Variants in MLLT3 observed in about 807,000 individuals in gnomAD.
MLLT3 encodes the protein protein AF-9.
In MLLT3, 4 loss-of-function variants were observed where a neutral mutation model predicts 53.2. The ratio of observed to expected loss-of-function variants is 0.08; its 90% CI spans 0.04 to 0.17. MLLT3 has a LOEUF of 0.17. Ranked by LOEUF, MLLT3 falls within the 10% of genes least tolerant of loss-of-function variation. The pLI, the probability that MLLT3 is intolerant of heterozygous loss-of-function variation, is 1.00. For missense variants in MLLT3, 569 were observed against 684.0 expected (o/e 0.83, Z 1.87); for synonymous variants, 283 against 230.6 (o/e 1.23, Z -2.06).
At chr9:20,403,566 T>TA (rs1563952086) in intron 5 of MLLT3, among the ~76,000 whole-genome samples, 1 of 152,162 alleles carries the variant, frequency 6.6e-6, no homozygotes, top group Non-Finnish European at 1.5e-5. Context: ...TGAAAGTTGA[T>TA]AGACAATGAC....
chr9:20,532,330 T>A (rs1277559544), intron 2 of MLLT3, among the ~76,000 whole-genome samples: 3 of 151,810 alleles, frequency 2.0e-5, no homozygotes, highest in Admixed American at 6.6e-5. Context: ...TATATATATA[T>A]AAATCACTCA....
At chr9:20,526,483 T>C (rs1368626056) in intron 2 of MLLT3, among the ~76,000 whole-genome samples, 1 of 152,356 alleles carries the variant, frequency 6.6e-6, no homozygotes, top group Non-Finnish European at 1.5e-5. Context: ...AGAATACACA[T>C]GCTTATGTGT....
At chr9:20,454,232 AGT>A (rs137999564) in intron 3 of MLLT3, among the ~76,000 whole-genome samples, 2,736 of 149,256 alleles carry the variant, frequency 0.018, 40 homozygotes, top group Non-Finnish European at 0.022. Context: ...AGAAGACTGA[AGT>A]GTGTGTGTGT....
At chr9:20,370,504 A>G (rs974091565) in intron 5 of MLLT3, among the ~76,000 whole-genome samples, 1 of 151,320 alleles carries the variant, frequency 6.6e-6, no homozygotes, top group Non-Finnish European at 1.5e-5. Context: ...AATGAAAGGA[A>G]GAGCCACAAA....
chr9:20,505,666 G>A (rs553278466), intron 2 of MLLT3, among the ~76,000 whole-genome samples: 2 of 152,280 alleles, frequency 1.3e-5, no homozygotes, highest in Admixed American at 6.5e-5. Context: ...CTCACTTGAA[G>A]ATGTCTGAAA....
Position 20,467,560 on chromosome 9 carries a change from G to C in MLLT3, c.194-10774C>G, listed in dbSNP as rs138976724. Reference sequence around the variant, plus strand: ...GCCATTGCACTCCAGCCTGGCGACAGAGTGGCACTCCATCTCAAAAAATAA... The same window carrying C: ...GCCATTGCACTCCAGCCTGGCGACACAGTGGCACTCCATCTCAAAAAATAA... On this transcript the variant is annotated intron_variant, in intron 2 of 10. Coordinates refer to ENST00000380338, the MANE Select transcript of MLLT3 (RefSeq NM_004529.4). Among the ~76,000 whole-genome samples, 152 of 152,280 alleles carry C rather than the reference G, an allele frequency of 1.0e-3. 2 individuals carry two copies. The East Asian group carries it at 0.027, about 27-fold the overall frequency.
At chr9:20,542,238 A>ATTTT (rs35985088) in intron 2 of MLLT3, among the ~76,000 whole-genome samples, 5 of 50,602 alleles carry the variant, frequency 9.9e-5, no homozygotes, top group South Asian at 8.7e-4. Context: ...GAGCAGTAAT[A>ATTTT]TTTTTTTTTT....
At chr9:20,481,999 G>A (rs573245074) in intron 2 of MLLT3, among the ~76,000 whole-genome samples, 8 of 152,122 alleles carry the variant, frequency 5.3e-5, no homozygotes, top group African/African-American at 1.2e-4. Context: ...AATGTACTTC[G>A]AACTCAAGAG....
intron 8 of MLLT3, among the ~76,000 whole-genome samples, chr9:20,356,913 G>C (rs1351894325): frequency 6.6e-6 from 1 of 152,202 alleles, no homozygotes; most frequent in Non-Finnish European, 1.5e-5. Context: ...CCCGCCTCAA[G>C]TTACTGAGTG....
At chr9:20,525,107 T>C (rs922487326) in intron 2 of MLLT3, among the ~76,000 whole-genome samples, 2 of 103,754 alleles carry the variant, frequency 1.9e-5, no homozygotes, top group African/African-American at 4.0e-5. Context: ...AACAAGAAAG[T>C]AGAATTAAGA....
chr9:20,458,467 A>C (rs1586963841), intron 2 of MLLT3, among the ~76,000 whole-genome samples: 1 of 152,296 alleles, frequency 6.6e-6, no homozygotes, highest in African/African-American at 2.4e-5. Flanking sequence ...AAGACTAAAC[A>C]AGGTGACCGT....
At chr9:20,386,249 C>A (rs1822033372) in intron 5 of MLLT3, among the ~76,000 whole-genome samples, 1 of 152,094 alleles carries the variant, frequency 6.6e-6, no homozygotes, top group Admixed American at 6.5e-5. Flanking sequence ...ATGTTTAGGG[C>A]AAGTGTTGTT....
rs1480678732 is a variant in MLLT3, at chr9:20,360,857, C to T, written c.1332-16G>A. ...TAAGCTAACTCTGAAAAGAAACAGA[C>T]AAGTTATGCACATCATTACAAACAG... On this transcript the variant is annotated splice_polypyrimidine_tract_variant and intron_variant, in intron 7 of 10. Coordinates refer to ENST00000380338, the MANE Select transcript of MLLT3 (RefSeq NM_004529.4). 6.3e-7 allele frequency: 1 copy of T among 1,594,164 alleles called. No individual in the cohort carries two copies. The highest frequency in any genetic ancestry group is 1.1e-5 in the South Asian group (1 of 90,634).
chr9:20,346,209 G>C lies in MLLT3; in HGVS notation c.*234C>G. Reference sequence around the variant, plus strand: ...AACTCTTCCCGGGGATTTCCTTGGAGAGAAGAGTGGTCCGCTGAGGCTGGT... The same window carrying C: ...AACTCTTCCCGGGGATTTCCTTGGACAGAAGAGTGGTCCGCTGAGGCTGGT... On this transcript the variant is annotated 3_prime_UTR_variant, in exon 11 of 11. Transcript: ENST00000380338. 1 of 404,868 alleles carries C rather than the reference G, an allele frequency of 2.5e-6. No individual in the cohort carries two copies. The highest frequency in any genetic ancestry group is 4.2e-5 in the South Asian group (1 of 23,658). The allele number at this position is 404,868 out of a possible 1,614,324, so 25.1% of individuals were successfully genotyped here.
intron 4 of MLLT3, among the ~76,000 whole-genome samples, chr9:20,440,411 T>C (rs1323554179): frequency 1.3e-5 from 2 of 152,208 alleles, no homozygotes; most frequent in African/African-American, 4.8e-5. Flanking sequence ...ATCCTGATTA[T>C]TGTCAGGTTT....
intron 7 of MLLT3, among the ~76,000 whole-genome samples, chr9:20,361,964 T>C (rs956518299): frequency 6.6e-6 from 1 of 152,218 alleles, no homozygotes; most frequent in Non-Finnish European, 1.5e-5. Context: ...CACTGGGACA[T>C]CCTTTTAGCA....
intron 8 of MLLT3, among the ~76,000 whole-genome samples, chr9:20,357,700 G>C (rs982248914): frequency 4.6e-5 from 7 of 152,068 alleles, no homozygotes; most frequent in African/African-American, 1.7e-4. Context: ...GAAAATATTT[G>C]ACTCCATTAG....
At chr9:20,391,425 T>G (rs2118721741) in intron 5 of MLLT3, among the ~76,000 whole-genome samples, 1 of 152,254 alleles carries the variant, frequency 6.6e-6, no homozygotes, top group East Asian at 1.9e-4. Context: ...CTTCCCATAT[T>G]TATTTTGTAA....
intron 3 of MLLT3, among the ~76,000 whole-genome samples, chr9:20,454,606 T>C (rs929691208): frequency 6.6e-6 from 1 of 152,238 alleles, no homozygotes; most frequent in Non-Finnish European, 1.5e-5. Context: ...CTTTAATTTC[T>C]TTGAGTTAAG....
Sources: gnomAD v4.1 joint callset for allele counts (sites outside exome capture counted in the v4.1 genomes callset) on GRCh38, gnomAD v4.1.1 for gene constraint, MANE v1.5 for transcripts, NCBI Gene and HGNC (gene_info 2026-07-23, HGNC 2026-07-21) for gene names.